DNAJB4: variants seen among roughly 807,000 people sequenced by gnomAD.
DNAJB4 encodes DnaJ heat shock protein family (Hsp40) member B4, also known as dnaJ homolog subfamily B member 4.
In DNAJB4, 10 loss-of-function variants were observed where a neutral mutation model predicts 26.6. The ratio of observed to expected loss-of-function variants is 0.38; its 90% CI spans 0.23 to 0.64. The LOEUF (loss-of-function observed/expected upper bound fraction) is 0.64, where lower values mean the gene tolerates loss of function less well. DNAJB4 is among the 30% of genes least tolerant of loss of function. The probability of loss-of-function intolerance (pLI) is 0.58; values close to 1 mark genes in which losing one functional copy is unlikely to be tolerated. For missense variants in DNAJB4, 328 were observed against 408.2 expected, an observed-to-expected ratio of 0.80 and a Z score of 1.69; for synonymous variants, 136 against 134.8, an observed-to-expected ratio of 1.01 and a Z score of -0.06.
At chr1:77,999,231 C>T (rs1660135113) in intron 1 of DNAJB4, among the ~76,000 whole-genome samples, 1 of 152,086 alleles carries the variant, frequency 6.6e-6, no homozygotes, top group Middle Eastern at 3.2e-3. Context: ...CTAGTACCCT[C>T]TAGTTTTATG....
In DNAJB4 at chr1:78,016,446, CTG is replaced by C. The variant is rs1204594583; in HGVS notation, c.*201_*202del. On this transcript the variant is annotated 3_prime_UTR_variant, in exon 3 of 3. Transcript: ENST00000370763. Reference sequence around the variant, plus strand: ...TAGAGATAAAAGAGAAAACCATTCACTGTATTTTATTTCATTTCTCCTGATTC... The same window carrying C: ...TAGAGATAAAAGAGAAAACCATTCACTATTTTATTTCATTTCTCCTGATTC... 1.8e-6 allele frequency: 1 copy of C among 552,578 alleles called. No homozygotes were observed. Among genetic ancestry groups the C allele is most frequent in the Non-Finnish European group, 3.2e-6 (1 of 316,946 alleles). 34.2% of individuals were successfully genotyped at this position (552,578 alleles called of 1,614,324 possible).
At chr1:77,992,068 G>T (rs935217084) in intron 1 of DNAJB4, among the ~76,000 whole-genome samples, 1 of 152,082 alleles carries the variant, frequency 6.6e-6, no homozygotes, top group Non-Finnish European at 1.5e-5. Flanking sequence ...TGATTTTATA[G>T]AACATAACCA....
intron 1 of DNAJB4, chr1:77,980,430 C>T (rs1174505731): frequency 2.6e-5 from 4 of 151,496 alleles, no homozygotes; most frequent in African/African-American, 9.7e-5. Context: ...GACATTTCTT[C>T]AGACCTTCTC....
intron 1 of DNAJB4, among the ~76,000 whole-genome samples, chr1:77,999,055 T>C (rs991457265): frequency 2.0e-5 from 3 of 152,248 alleles, no homozygotes; most frequent in Admixed American, 6.5e-5. Flanking sequence ...GCATTTGCTC[T>C]ATAGCAATCT....
upstream of DNAJB4, among the ~76,000 whole-genome samples, chr1:78,000,836 T>C (rs1660173026): frequency 6.6e-6 from 1 of 152,008 alleles, no homozygotes; most frequent in Non-Finnish European, 1.5e-5. Context: ...ACAAAAAAAT[T>C]AGCTGGGCGT....
intron 1 of DNAJB4, among the ~76,000 whole-genome samples, chr1:77,990,832 T>C (rs1399662198): frequency 6.6e-6 from 1 of 152,268 alleles, no homozygotes; most frequent in Admixed American, 6.5e-5. Context: ...ATAGTCATCC[T>C]ACTTTAGGTT....
In DNAJB4 at chr1:78,013,045, A is replaced by T. The variant is rs1041003396; in HGVS notation, c.212-6A>T. 6.3e-7 allele frequency: 1 copy of T among 1,577,382 alleles called. No homozygotes were observed. The highest frequency in any genetic ancestry group is 1.2e-5 in the South Asian group (1 of 85,306). On this transcript the variant is annotated splice_region_variant and splice_polypyrimidine_tract_variant and intron_variant, in intron 1 of 2. Transcript: ENST00000370763. ...TTTTTCTAATCATGCTTATCTCTTC[A>T]ATTAGGGTTGAAAGGAGGAGCAGGA...
chr1:78,004,845 A>G, upstream of DNAJB4: 1 of 424,236 alleles, frequency 2.4e-6, no homozygotes, highest in Non-Finnish European at 4.2e-6. Context: ...TTGCTGTTCT[A>G]GAAAGTACAG....
intron 2 of DNAJB4, among the ~76,000 whole-genome samples, chr1:78,015,748 C>T (rs1660624551): frequency 6.6e-6 from 1 of 151,966 alleles, no homozygotes; most frequent in African/African-American, 2.4e-5. Flanking sequence ...AAGATTTCTC[C>T]ATGTTGGTGA....
upstream of DNAJB4, among the ~76,000 whole-genome samples, chr1:78,000,845 G>T (rs780268547): frequency 3.3e-5 from 5 of 152,124 alleles, no homozygotes; most frequent in Non-Finnish European, 7.4e-5. Flanking sequence ...TTAGCTGGGC[G>T]TGGTGGCACG....
intron 1 of DNAJB4, among the ~76,000 whole-genome samples, chr1:78,012,159 CTTT>C: frequency 1.1e-5 from 1 of 88,810 alleles, no homozygotes; most frequent in South Asian, 4.6e-4. Context: ...CTTTTCTTTT[CTTT>C]TTTTTTTTTT....
chr1:78,002,834 T>C (rs1039130143), upstream of DNAJB4, among the ~76,000 whole-genome samples: 1 of 152,202 alleles, frequency 6.6e-6, no homozygotes. Context: ...GTGTGTGATA[T>C]TTAAAGAAAT....
chr1:77,999,517 G>A (rs1435095613), intron 1 of DNAJB4, among the ~76,000 whole-genome samples: 1 of 151,960 alleles, frequency 6.6e-6, no homozygotes, highest in Admixed American at 6.6e-5. Flanking sequence ...AGATCTTGGG[G>A]GATGCCAGAC....
upstream of DNAJB4, chr1:77,979,201 A>G (rs1298546786): frequency 1.7e-6 from 1 of 585,012 alleles, no homozygotes; most frequent in Non-Finnish European, 3.0e-6. Flanking sequence ...GGGCTGAGAA[A>G]GAACGACAGG....
Position 78,016,152 on chromosome 1 carries a change from C to A in DNAJB4, c.919C>A (p.Arg307Ser). The A allele has an allele frequency of 6.2e-7, 1 of 1,614,108 alleles. No homozygotes were observed. ...GCCATTTCCAAAAAATCCTGACCAA[C>A]GTGGTGACCTTCTAATAGAATTTGA... ...GLPFPKNPDQ[R>S]GDLLIEFEVS... Residue 307 changes from arginine to serine, a missense_variant, in exon 3 of 3, where the codon CGT (arginine) becomes AGT (serine). Arg to Ser is a moderately radical substitution (Grantham distance 110). Transcript: ENST00000370763.
Position 78,005,131 on chromosome 1 carries a change from C to T in DNAJB4, c.21C>T (p.Cys7=), listed in dbSNP as rs763039133. The T allele has an allele frequency of 1.9e-6, 3 of 1,613,730 alleles. No homozygotes were observed. Among genetic ancestry groups the T allele is most frequent in the Middle Eastern group, 1.7e-4 (1 of 6,058 alleles). Residue 7 remains cysteine, a synonymous_variant, in exon 1 of 3, where the codon TGC becomes TGT. Coordinates refer to ENST00000370763, the MANE Select transcript of DNAJB4 (RefSeq NM_007034.5). The part of the protein sequence containing the change: MGKDYY[C]ILGIEKGASD... ...TCGAAATGGGGAAAGACTATTATTG[C>T]ATTTTGGGAATTGAGAAAGGAGCTT... is the stretch of plus-strand genomic sequence containing the variant.
At chr1:78,012,984 A>C (rs950304893) in intron 1 of DNAJB4, 67 bp from the exon 2 acceptor site, 1 of 1,395,460 alleles carries the variant, frequency 7.2e-7, no homozygotes, top group South Asian at 1.5e-5. Flanking sequence ...TTAGCAATAC[A>C]GTTTTTGAAA....
intron 1 of DNAJB4, among the ~76,000 whole-genome samples, chr1:78,009,782 C>T (rs1022947430): frequency 6.6e-6 from 1 of 152,158 alleles, no homozygotes; most frequent in East Asian, 1.9e-4. Context: ...TGCGCCACCA[C>T]GCCTGGCTAA....
At chr1:78,005,388 G>C (rs2102605585) in intron 1 of DNAJB4, 67 bp downstream of exon 1, 1 of 1,274,856 alleles carries the variant, frequency 7.8e-7, no homozygotes, top group Non-Finnish European at 1.1e-6. Flanking sequence ...CTCTCTCTCT[G>C]CCAGCCTTTT....
Sources: allele counts gnomAD v4.1 joint callset (sites outside exome capture counted in the v4.1 genomes callset), GRCh38; gene constraint gnomAD v4.1.1; transcripts MANE v1.5; gene names NCBI Gene and HGNC (gene_info 2026-07-23, HGNC 2026-07-21).